The following CCDC141 variants were observed in gnomAD, a reference collection of about 807,000 sequenced individuals.
CCDC141 encodes coiled-coil domain-containing protein 141.
Under a neutral mutation model 181.0 loss-of-function variants are expected in CCDC141, and 168 were observed. That is an observed-to-expected ratio of 0.93 (90% confidence interval 0.82 to 1.05). The LOEUF is 1.05. Among genes scored for constraint, CCDC141 ranks in the 50% least tolerant of loss-of-function variants. The probability of loss-of-function intolerance (pLI) is 0.00; values close to 1 mark genes in which losing one functional copy is unlikely to be tolerated. For missense variants in CCDC141, 1,902 were observed against 1,788.5 expected (o/e 1.06, Z -1.14); for synonymous variants, 666 against 642.3 (o/e 1.04, Z -0.56).
intron 2 of CCDC141, among the ~76,000 whole-genome samples, chr2:179,042,885 T>C (rs1048327579): frequency 3.3e-5 from 5 of 151,796 alleles, no homozygotes; most frequent in African/African-American, 1.2e-4. Context: ...CTGAAAGAGA[T>C]AGAGACACAA....
intron 2 of CCDC141, among the ~76,000 whole-genome samples, chr2:179,032,505 T>C (rs1297502539): frequency 6.6e-6 from 1 of 152,180 alleles, no homozygotes; most frequent in Non-Finnish European, 1.5e-5. Context: ...TTTCTGGAAC[T>C]TTTTCTGTCC....
At chr2:178,943,670 T>C (rs1689612538) in intron 6 of CCDC141, among the ~76,000 whole-genome samples, 1 of 152,166 alleles carries the variant, frequency 6.6e-6, no homozygotes, top group Non-Finnish European at 1.5e-5. Context: ...GATTATTCAC[T>C]GTTCCCATCC....
chr2:178,967,395 G>A (rs1690688366), intron 4 of CCDC141, among the ~76,000 whole-genome samples: 1 of 152,176 alleles, frequency 6.6e-6, no homozygotes, highest in African/African-American at 2.4e-5. Flanking sequence ...GGATCTCTCT[G>A]CAGAAACTCT....
intron 21 of CCDC141, among the ~76,000 whole-genome samples, chr2:178,849,396 T>G (rs182124091): frequency 6.6e-4 from 101 of 152,362 alleles, no homozygotes; most frequent in African/African-American, 2.0e-3. Context: ...CTACAGCCTT[T>G]GATCTTAATG....
intron 8 of CCDC141, among the ~76,000 whole-genome samples, chr2:178,902,104 G>A: frequency 6.6e-6 from 1 of 152,164 alleles, no homozygotes; most frequent in East Asian, 1.9e-4. Flanking sequence ...TGAAATAAAA[G>A]AGTATACAAA....
At chr2:178,880,751 G>A (rs1686564509) in intron 11 of CCDC141, among the ~76,000 whole-genome samples, 1 of 152,094 alleles carries the variant, frequency 6.6e-6, no homozygotes, top group South Asian at 2.1e-4. Context: ...AATAAAATCA[G>A]GAATGAAAAG....
At chr2:178,940,080 T>A (rs1408438107) in intron 6 of CCDC141, among the ~76,000 whole-genome samples, 1 of 152,088 alleles carries the variant, frequency 6.6e-6, no homozygotes, top group Non-Finnish European at 1.5e-5. Flanking sequence ...CAGAAAACCA[T>A]TTATGAAGAA....
intron 22 of CCDC141, among the ~76,000 whole-genome samples, chr2:178,841,150 T>C (rs1684700348): frequency 6.6e-6 from 1 of 152,240 alleles, no homozygotes; most frequent in African/African-American, 2.4e-5. Context: ...ATGCTATTGA[T>C]GAAAATGTTG....
At chr2:178,845,587 A>G (rs560225104) in intron 22 of CCDC141, 39 bp downstream of exon 22, 7 of 1,128,918 alleles carry the variant, frequency 6.2e-6, no homozygotes, top group Non-Finnish European at 9.4e-6. Flanking sequence ...ACCTCAAAGC[A>G]AAAGTCCTCA....
chr2:178,997,371 C>T (rs1692335373), intron 2 of CCDC141, among the ~76,000 whole-genome samples: 1 of 152,058 alleles, frequency 6.6e-6, no homozygotes, highest in Admixed American at 6.6e-5. Context: ...ATGGAGGCTA[C>T]TTCTTTCTTT....
At chr2:178,993,535 A>T (rs1692150703) in intron 2 of CCDC141, among the ~76,000 whole-genome samples, 1 of 152,184 alleles carries the variant, frequency 6.6e-6, no homozygotes. Context: ...CTCCCACAGC[A>T]TGTGGGAATT....
intron 5 of CCDC141, among the ~76,000 whole-genome samples, chr2:178,946,832 G>C (rs995031668): frequency 6.6e-6 from 1 of 152,162 alleles, no homozygotes; most frequent in African/African-American, 2.4e-5. Flanking sequence ...CCCTTTAGGA[G>C]AATGTAGTTA....
chr2:179,014,824 G>A (rs1251142808), intron 2 of CCDC141, among the ~76,000 whole-genome samples: 1 of 151,810 alleles, frequency 6.6e-6, no homozygotes, highest in Non-Finnish European at 1.5e-5. Context: ...CTGCTGGTGG[G>A]AATGTAAACT....
chr2:178,972,078 A>T lies in CCDC141; in HGVS notation c.526+2979T>A, dbSNP rs6433745. On this transcript the variant is annotated intron_variant, in intron 4 of 23. Coordinates refer to ENST00000443758, the MANE Select transcript of CCDC141 (RefSeq NM_173648.4). Reference sequence around the variant, plus strand: ...CCCCAGAACTTAAAATATATAATTTAAAAAAAAACCTAAATAAAAATAAAT... The same window carrying T: ...CCCCAGAACTTAAAATATATAATTTTAAAAAAAACCTAAATAAAAATAAAT... Among the ~76,000 whole-genome samples the T allele has an allele frequency of 7.4e-3, 1,121 of 151,110 alleles. 21 individuals carry two copies. The highest frequency in any genetic ancestry group is 0.026 in the African/African-American group (1,061 of 41,352).
At chr2:178,926,817 G>A (rs1688924285) in intron 6 of CCDC141, among the ~76,000 whole-genome samples, 1 of 152,146 alleles carries the variant, frequency 6.6e-6, no homozygotes, top group Non-Finnish European at 1.5e-5. Context: ...AATGATAAAT[G>A]TTTGAGATGA....
intron 2 of CCDC141, among the ~76,000 whole-genome samples, chr2:179,040,032 G>C (rs1300822543): frequency 6.6e-6 from 1 of 152,148 alleles, no homozygotes; most frequent in Non-Finnish European, 1.5e-5. Flanking sequence ...CTGAGTGGCT[G>C]GATTGAAAGT....
intron 22 of CCDC141, among the ~76,000 whole-genome samples, chr2:178,844,950 G>C (rs986393549): frequency 6.6e-6 from 1 of 152,266 alleles, no homozygotes; most frequent in Non-Finnish European, 1.5e-5. Flanking sequence ...AGCAACTTAT[G>C]CTGAAAAACC....
chr2:178,987,123 T>G (rs1575310098), intron 2 of CCDC141, among the ~76,000 whole-genome samples: 1 of 123,780 alleles, frequency 8.1e-6, no homozygotes, highest in Admixed American at 9.4e-5. Flanking sequence ...AACAGAGATA[T>G]AGATCAATGG....
chr2:178,981,154 A>C lies in CCDC141; in HGVS notation c.226-2479T>G, dbSNP rs146132171. 1.0e-3 allele frequency among the ~76,000 whole-genome samples: 153 copies of C among 152,264 alleles called. 1 individual carries two copies. The highest frequency in any genetic ancestry group is 3.4e-3 in the African/African-American group (140 of 41,562). ...AATAGATAAATATACTATAATAGAG[A>C]CTTCAACATCCTTCTATCAGTAATC... On this transcript the variant is annotated intron_variant, in intron 2 of 23. Coordinates refer to ENST00000443758, the MANE Select transcript of CCDC141 (RefSeq NM_173648.4).
Sources: gnomAD v4.1 joint callset for allele counts (sites outside exome capture counted in the v4.1 genomes callset) on GRCh38, gnomAD v4.1.1 for gene constraint, MANE v1.5 for transcripts, NCBI Gene and HGNC (gene_info 2026-07-23, HGNC 2026-07-21) for gene names.